The following FZD6 variants were observed in gnomAD, a reference collection of about 807,000 sequenced individuals.
FZD6 encodes the protein frizzled class receptor 6, also known as frizzled-6.
Under a neutral mutation model 61.4 loss-of-function variants are expected in FZD6, and 49 were observed. The ratio of observed to expected loss-of-function variants is 0.80; its 90% CI spans 0.63 to 1.01. FZD6 has a LOEUF of 1.01. FZD6 is among the 50% of genes least tolerant of loss of function. FZD6 has a pLI of 0.00. For missense variants in FZD6, 724 were observed against 848.2 expected, an observed-to-expected ratio of 0.85 and a Z score of 1.82; for synonymous variants, 265 against 292.2, an observed-to-expected ratio of 0.91 and a Z score of 0.95.
chr8:103,310,871 A>T (rs1814478789), intron 2 of FZD6, among the ~76,000 whole-genome samples: 1 of 152,218 alleles, frequency 6.6e-6, no homozygotes, highest in South Asian at 2.1e-4. Context: ...TACTAACAGG[A>T]TGCTCACTGC....
intron 2 of FZD6, among the ~76,000 whole-genome samples, chr8:103,306,066 G>A (rs1045441351): frequency 1.3e-5 from 2 of 152,128 alleles, no homozygotes; most frequent in Admixed American, 6.5e-5. Flanking sequence ...CATTAAAAAA[G>A]TAATTTATTC....
Position 103,300,247 on chromosome 8 carries a change from G to A in FZD6, c.140G>A (p.Gly47Asp). 1 of 1,612,380 alleles carries A rather than the reference G, an allele frequency of 6.2e-7. No individual in the cohort carries two copies. The highest frequency in any genetic ancestry group is 1.7e-5 in the Admixed American group (1 of 60,030). Residue 47 changes from glycine (G) to aspartate (D), a missense_variant, in exon 2 of 7, where the codon GGT (glycine) becomes GAT (aspartate). Coordinates refer to ENST00000358755, the MANE Select transcript of FZD6 (RefSeq NM_003506.4). ...YNMTFFPNLMGHYDQSIAAVE... is the reference protein window; with the variant it reads ...YNMTFFPNLMDHYDQSIAAVE... ...ATGACGTTTTTCCCTAATCTGATGGGTCATTATGACCAGAGTATTGCCGCG... is the reference window on the plus strand; with the variant it reads ...ATGACGTTTTTCCCTAATCTGATGGATCATTATGACCAGAGTATTGCCGCG...
chr8:103,330,909 G>A (rs188176521), intron 6 of FZD6, among the ~76,000 whole-genome samples: 3 of 152,318 alleles, frequency 2.0e-5, no homozygotes, highest in African/African-American at 7.2e-5. Context: ...CAGGCACGGT[G>A]GCTCACGCCT....
chr8:103,308,551 C>T (rs1814405130), intron 2 of FZD6, among the ~76,000 whole-genome samples: 1 of 152,132 alleles, frequency 6.6e-6, no homozygotes, highest in African/African-American at 2.4e-5. Flanking sequence ...TAGCTGGGGC[C>T]AGCTATTGTA....
In FZD6 at chr8:103,332,445, A is replaced by G. The variant is rs1460311381; in HGVS notation, c.*936A>G. ...CATTTAGAATATTACATTTTGTATT[A>G]TACAGTACCTTTCTCAGACATTTTG... On this transcript the variant is annotated 3_prime_UTR_variant, in exon 7 of 7. Transcript: ENST00000358755. The G allele has an allele frequency of 6.6e-6, 1 of 152,160 alleles. No individual in the cohort carries two copies. Among genetic ancestry groups the G allele is most frequent in the East Asian group, 1.9e-4 (1 of 5,206 alleles). The allele number at this position is 152,160 out of a possible 1,614,324, so 9.4% of individuals were successfully genotyped here. A position where few individuals can be genotyped will look rare whatever the true frequency, so the allele number is the denominator to read the frequency against.
chr8:103,304,938 A>G (rs949847427), intron 2 of FZD6, among the ~76,000 whole-genome samples: 15 of 152,174 alleles, frequency 9.9e-5, no homozygotes, highest in African/African-American at 3.6e-4. Flanking sequence ...AAAATGAGGG[A>G]CTTCAGTTTT....
In FZD6 at chr8:103,308,294, G is replaced by A. The variant is rs1428327205; in HGVS notation, c.177+8010G>A. Among the ~76,000 whole-genome samples, 5 of 152,184 alleles carry A rather than the reference G, an allele frequency of 3.3e-5. No homozygotes were observed. The East Asian group carries it at 9.7e-4, about 29-fold the overall frequency. On this transcript the variant is annotated intron_variant, in intron 2 of 6. Coordinates refer to ENST00000358755, the MANE Select transcript of FZD6 (RefSeq NM_003506.4). ...AAAAAAAATTTTTTTTGAGATTATA[G>A]GCCCATTTTGGAGAAGTCCAGTCAC...
chr8:103,307,011 T>C (rs897974053), intron 2 of FZD6, among the ~76,000 whole-genome samples: 20 of 152,142 alleles, frequency 1.3e-4, no homozygotes, highest in Admixed American at 1.2e-3. Context: ...CACTTGGTCT[T>C]GTTCACTGGT....
At chr8:103,317,394 A>G (rs1240216854) in intron 2 of FZD6, among the ~76,000 whole-genome samples, 1 of 152,228 alleles carries the variant, frequency 6.6e-6, no homozygotes, top group Non-Finnish European at 1.5e-5. Flanking sequence ...CTTACGTTTT[A>G]AAGAATCGCA....
chr8:103,318,917 A>G, intron 3 of FZD6, 131 bp downstream of exon 3: 1 of 707,878 alleles, frequency 1.4e-6, no homozygotes. Flanking sequence ...TATGTCAGGC[A>G]CTATGGTGCT....
intron 3 of FZD6, among the ~76,000 whole-genome samples, chr8:103,322,895 A>T (rs948922320): frequency 3.9e-5 from 6 of 152,178 alleles, no homozygotes; most frequent in Non-Finnish European, 7.4e-5. Context: ...ATTATTCCTA[A>T]TTCTTTTAAT....
At chr8:103,304,574 A>G (rs554935781) in intron 2 of FZD6, among the ~76,000 whole-genome samples, 1 of 152,236 alleles carries the variant, frequency 6.6e-6, no homozygotes, top group East Asian at 1.9e-4. Context: ...CAGACCATAC[A>G]GTCTCCGTCA....
chr8:103,322,496 A>G (rs575431237), intron 3 of FZD6, among the ~76,000 whole-genome samples: 10 of 152,312 alleles, frequency 6.6e-5, no homozygotes, highest in Admixed American at 5.9e-4. Context: ...ATCATTTGCA[A>G]TTAGAGTTCA....
intron 3 of FZD6, among the ~76,000 whole-genome samples, chr8:103,320,036 G>C (rs1297803603): frequency 6.6e-6 from 1 of 152,184 alleles, no homozygotes; most frequent in Non-Finnish European, 1.5e-5. Context: ...AAGCATAGAT[G>C]ACATTTTGGC....
chr8:103,318,681 A>T lies in FZD6; in HGVS notation c.269A>T (p.His90Leu), dbSNP rs1814698720. Residue 90 changes from histidine to leucine, a missense_variant, in exon 3 of 7, where the codon CAT becomes CTT. Transcript: ENST00000358755. ...AFVPTCIEQI[H>L]VVPPCRKLCE... ...GTACCAACCTGCATAGAACAAATTC[A>T]TGTGGTTCCACCTTGTCGTAAACTT... is the stretch of plus-strand genomic sequence containing the variant. 6 of 1,605,370 alleles carry T rather than the reference A, an allele frequency of 3.7e-6. No homozygotes were observed. Among genetic ancestry groups the T allele is most frequent in the East Asian group, 2.2e-5 (1 of 44,826 alleles).
intron 3 of FZD6, among the ~76,000 whole-genome samples, chr8:103,320,415 TG>T (rs1408674961): frequency 6.6e-6 from 1 of 152,008 alleles, no homozygotes; most frequent in Non-Finnish European, 1.5e-5. Flanking sequence ...CATCTGTGGT[TG>T]GGGTTTTGTC....
chr8:103,310,452 A>G (rs1450989534), intron 2 of FZD6, among the ~76,000 whole-genome samples: 1 of 151,796 alleles, frequency 6.6e-6, no homozygotes, highest in Non-Finnish European at 1.5e-5. Context: ...TTTTTAAGAG[A>G]CAGGGTCTTG....
rs1360809611 is a variant in FZD6 at position 103,324,724 on chromosome 8, A to G, written c.618A>G (p.Ser206=). 6.2e-7 allele frequency: 1 copy of G among 1,614,106 alleles called. No individual in the cohort carries two copies. The highest frequency in any genetic ancestry group is 8.5e-7 in the Non-Finnish European group (1 of 1,179,944). Residue 206 remains serine, a synonymous_variant, in exon 4 of 7, where the codon TCA becomes TCG. Coordinates refer to ENST00000358755, the MANE Select transcript of FZD6 (RefSeq NM_003506.4). ...EFAKSFIGTV[S]IFCLCATLFT... ...CAAAAAGTTTTATTGGAACAGTTTC[A>G]ATATTTTGTCTTTGTGCAACTCTGT...
Position 103,325,230 on chromosome 8 carries a change from T to C in FZD6, c.1124T>C (p.Leu375Pro). The C allele has an allele frequency of 1.2e-6, 2 of 1,614,234 alleles. No individual in the cohort carries two copies. Among genetic ancestry groups the C allele is most frequent in the Non-Finnish European group, 1.7e-6 (2 of 1,180,030 alleles). ...DASRYFVLLP[L>P]CLCVFVGLSL... ...TCTCGCTACTTTGTACTCTTGCCAC[T>C]GTGCCTTTGTGTGTTTGTTGGGCTC... is the stretch of plus-strand genomic sequence containing the variant. The change falls in exon 4 of 7, where the codon CTG becomes CCG. Residue 375 changes from leucine to proline, a missense_variant. Leu to Pro is a moderately conservative substitution (Grantham distance 98). Transcript: ENST00000358755.
Sources: allele counts gnomAD v4.1 joint callset (sites outside exome capture counted in the v4.1 genomes callset), GRCh38; gene constraint gnomAD v4.1.1; transcripts MANE v1.5; gene names NCBI Gene and HGNC (gene_info 2026-07-23, HGNC 2026-07-21).